Variants in SH2D4B observed in about 807,000 individuals in gnomAD.
SH2D4B encodes the protein SH2 domain-containing protein 4B.
In SH2D4B, 45 loss-of-function variants were observed where a neutral mutation model predicts 61.5. The ratio of observed to expected loss-of-function variants is 0.73; its 90% CI spans 0.58 to 0.94. The LOEUF (loss-of-function observed/expected upper bound fraction) is 0.94. Ranked by LOEUF, SH2D4B falls within the 40% of genes least tolerant of loss-of-function variation. SH2D4B has a pLI of 0.00. For synonymous variants in SH2D4B, 224 were observed against 220.4 expected, an observed-to-expected ratio of 1.02 and a Z score of -0.14; for missense variants, 572 against 574.2, an observed-to-expected ratio of 1.00 and a Z score of 0.04.
At chr10:80,622,524 C>T (rs543018672) in intron 6 of SH2D4B, among the ~76,000 whole-genome samples, 1 of 152,328 alleles carries the variant, frequency 6.6e-6, no homozygotes, top group South Asian at 2.1e-4. Flanking sequence ...AGTCTCCAGG[C>T]TCTGTCCCTT....
chr10:80,567,932 G>C (rs117808137), intron 1 of SH2D4B, among the ~76,000 whole-genome samples: 2 of 152,278 alleles, frequency 1.3e-5, no homozygotes, highest in Non-Finnish European at 2.9e-5. Context: ...GGGGGCTTCT[G>C]TTCGCTTCCA....
intron 6 of SH2D4B, among the ~76,000 whole-genome samples, chr10:80,625,090 A>G (rs1191315881): frequency 3.3e-5 from 5 of 152,180 alleles, no homozygotes; most frequent in Non-Finnish European, 7.3e-5. Flanking sequence ...CCAAATGTTT[A>G]GCATTGTGAG....
chr10:80,572,681 G>A (rs1394333916), intron 3 of SH2D4B, among the ~76,000 whole-genome samples: 8 of 151,394 alleles, frequency 5.3e-5, no homozygotes, highest in Non-Finnish European at 7.4e-5. Flanking sequence ...GTTCAATGGC[G>A]TGATCTCGGT....
chr10:80,586,944 C>T (rs1042552018), intron 3 of SH2D4B, among the ~76,000 whole-genome samples: 6 of 151,748 alleles, frequency 4.0e-5, no homozygotes, highest in African/African-American at 1.2e-4. Flanking sequence ...CCGCGGAGGT[C>T]CGCAGCTTCA....
chr10:80,579,666 T>G (rs921102759), intron 3 of SH2D4B, among the ~76,000 whole-genome samples: 2 of 152,042 alleles, frequency 1.3e-5, no homozygotes, highest in African/African-American at 4.8e-5. Flanking sequence ...GTTTATTAAT[T>G]TTTTTTCCAT....
At chr10:80,586,762 A>C (rs575598183) in intron 3 of SH2D4B, among the ~76,000 whole-genome samples, 31 of 152,068 alleles carry the variant, frequency 2.0e-4, no homozygotes, top group Admixed American at 1.2e-3. Context: ...TTGTTTTTTC[A>C]CTCTTTACAA....
At chr10:80,540,773 C>T (rs1389340194) in intron 1 of SH2D4B, 1 of 1,520,782 alleles carries the variant, frequency 6.6e-7, no homozygotes, top group African/African-American at 1.4e-5. Flanking sequence ...GTAGATGGAT[C>T]ATAGGGAACA....
intron 3 of SH2D4B, among the ~76,000 whole-genome samples, chr10:80,582,625 C>G (rs750931275): frequency 6.6e-6 from 1 of 152,160 alleles, no homozygotes; most frequent in Non-Finnish European, 1.5e-5. Context: ...GGGAGTCGGG[C>G]TCATGTAGAA....
chr10:80,645,863 T>C lies in SH2D4B; in HGVS notation c.*1778T>C, dbSNP rs985948522. The C allele has an allele frequency of 1.3e-5, 2 of 152,300 alleles. No individual in the cohort carries two copies. The highest frequency in any genetic ancestry group is 2.1e-4 in the South Asian group (1 of 4,822). The allele number at this position is 152,300 out of a possible 1,614,324, so 9.4% of individuals were successfully genotyped here. Reference sequence around the variant, plus strand: ...CCCCCGGTCTACCTGTCTCACTACATGCATAAAGTGAAATGATGGAAGGAA... The same window carrying C: ...CCCCCGGTCTACCTGTCTCACTACACGCATAAAGTGAAATGATGGAAGGAA... On this transcript the variant is annotated 3_prime_UTR_variant, in exon 8 of 8. Transcript: ENST00000646907.
At chr10:80,605,005 G>A (rs528970289) in intron 5 of SH2D4B, among the ~76,000 whole-genome samples, 1 of 152,260 alleles carries the variant, frequency 6.6e-6, no homozygotes, top group South Asian at 2.1e-4. Context: ...GTGTTAGCCA[G>A]GATGGTCTCG....
intron 1 of SH2D4B, among the ~76,000 whole-genome samples, chr10:80,562,472 T>C (rs1387174330): frequency 6.6e-6 from 1 of 152,250 alleles, no homozygotes; most frequent in African/African-American, 2.4e-5. Flanking sequence ...ATCAATGATA[T>C]TATGTGAGGA....
chr10:80,626,588 C>T (rs1285556072), intron 6 of SH2D4B, among the ~76,000 whole-genome samples: 2 of 152,180 alleles, frequency 1.3e-5, no homozygotes, highest in African/African-American at 4.8e-5. Flanking sequence ...AAGCTTCTCT[C>T]ATGTTAGATT....
chr10:80,581,192 TGAA>T (rs912903704), intron 3 of SH2D4B, among the ~76,000 whole-genome samples: 7 of 152,138 alleles, frequency 4.6e-5, no homozygotes, highest in African/African-American at 1.4e-4. Context: ...ACTCTCCAGG[TGAA>T]GAAGAACTGA....
chr10:80,572,023 C>T (rs190920532), intron 3 of SH2D4B, among the ~76,000 whole-genome samples: 6 of 152,154 alleles, frequency 3.9e-5, no homozygotes, highest in African/African-American at 1.2e-4. Flanking sequence ...CCGCCCGCCT[C>T]GGCCTTCCAA....
intron 4 of SH2D4B, among the ~76,000 whole-genome samples, chr10:80,599,498 G>A (rs1390900244): frequency 3.3e-5 from 5 of 152,130 alleles, no homozygotes; most frequent in Non-Finnish European, 7.3e-5. Flanking sequence ...ATCCCTGGGG[G>A]CTTTATGGTT....
Position 80,588,787 on chromosome 10 carries a change from G to C in SH2D4B, c.643+10G>C. The C allele has an allele frequency of 6.2e-7, 1 of 1,613,656 alleles. No individual in the cohort carries two copies. On this transcript the variant is annotated intron_variant, in intron 4 of 7. Transcript: ENST00000646907. ...GAGTGGGAAGAACAGTGTGAGTAGA[G>C]CTTGTGCCTCAGGCAGGGAGACCAG...
chr10:80,545,718 C>T (rs973759385), intron 1 of SH2D4B, among the ~76,000 whole-genome samples: 1 of 152,076 alleles, frequency 6.6e-6, no homozygotes, highest in Non-Finnish European at 1.5e-5. Context: ...GGGTGAGTAG[C>T]GGCTAAGGTG....
chr10:80,614,394 G>A (rs976278241), intron 6 of SH2D4B, among the ~76,000 whole-genome samples: 1 of 152,192 alleles, frequency 6.6e-6, no homozygotes, highest in Non-Finnish European at 1.5e-5. Flanking sequence ...CTCACTCACT[G>A]TGGTGAGGAC....
At chr10:80,592,113 G>A (rs917889157) in intron 4 of SH2D4B, among the ~76,000 whole-genome samples, 1 of 152,110 alleles carries the variant, frequency 6.6e-6, no homozygotes, top group Non-Finnish European at 1.5e-5. Context: ...TCTCATCGTG[G>A]TTTTGATTTG....
Sources: gnomAD v4.1 joint callset for allele counts (sites outside exome capture counted in the v4.1 genomes callset) on GRCh38, gnomAD v4.1.1 for gene constraint, MANE v1.5 for transcripts, NCBI Gene and HGNC (gene_info 2026-07-23, HGNC 2026-07-21) for gene names.